The following LEF1 variants were observed in gnomAD, a reference collection of about 807,000 sequenced individuals.
LEF1 encodes the protein lymphoid enhancer-binding factor 1.
LEF1 carries 14 observed loss-of-function variants against 51.2 expected under a neutral mutation model. That is an observed-to-expected ratio of 0.27 (90% CI 0.18 to 0.43). The LOEUF (loss-of-function observed/expected upper bound fraction) is 0.43, where lower values mean the gene tolerates loss of function less well. Ranked by LOEUF, LEF1 falls within the 20% of genes least tolerant of loss-of-function variation. The probability of loss-of-function intolerance (pLI) is 1.00; values close to 1 mark genes in which losing one functional copy is unlikely to be tolerated. For synonymous variants in LEF1, 185 were observed against 183.2 expected (o/e 1.01, Z -0.08); for missense variants, 386 against 512.0 (o/e 0.75, Z 2.37).
chr4:108,101,365 T>C (rs1467267872), intron 3 of LEF1, among the ~76,000 whole-genome samples: 1 of 152,144 alleles, frequency 6.6e-6, no homozygotes, highest in East Asian at 1.9e-4. Flanking sequence ...CTAAATACAG[T>C]ATTAAAATAG....
At chr4:108,115,536 T>C (rs566368542) in intron 3 of LEF1, among the ~76,000 whole-genome samples, 3 of 152,320 alleles carry the variant, frequency 2.0e-5, no homozygotes, top group Admixed American at 2.0e-4. Context: ...TGCCACAGAA[T>C]AGATAATTGC....
chr4:108,134,608 A>G (rs1488343756), intron 3 of LEF1, among the ~76,000 whole-genome samples: 1 of 152,258 alleles, frequency 6.6e-6, no homozygotes, highest in Non-Finnish European at 1.5e-5. Flanking sequence ...AACTCTTATC[A>G]ATGTGATTCC....
At chr4:108,129,565 A>AGCAAAG (rs1742740247) in intron 3 of LEF1, among the ~76,000 whole-genome samples, 1 of 152,202 alleles carries the variant, frequency 6.6e-6, no homozygotes, top group African/African-American at 2.4e-5. Flanking sequence ...GAGAGAGAGA[A>AGCAAAG]CAATCCAAGT....
rs964883954 is a variant in LEF1, at chr4:108,151,549, T to A, written c.414+12019A>T. Among the ~76,000 whole-genome samples the A allele has an allele frequency of 2.6e-5, 4 of 152,336 alleles. No individual in the cohort carries two copies. In the East Asian group the frequency reaches 5.8e-4, roughly 22 times the overall value. On this transcript the variant is annotated intron_variant, in intron 3 of 11. Transcript: ENST00000265165. Reference sequence around the variant, plus strand: ...CAGGGTAAATTATCTGACCTTCCACTTCTTGACCTGTTTACAGTCGTCCTT... The same window carrying A: ...CAGGGTAAATTATCTGACCTTCCACATCTTGACCTGTTTACAGTCGTCCTT...
intron 3 of LEF1, among the ~76,000 whole-genome samples, chr4:108,129,962 C>T (rs1054507665): frequency 6.6e-6 from 1 of 152,116 alleles, no homozygotes; most frequent in South Asian, 2.1e-4. Context: ...GAAACATGGT[C>T]CTCTTAAGCT....
At chr4:108,118,946 A>C (rs1056957275) in intron 3 of LEF1, among the ~76,000 whole-genome samples, 1 of 151,680 alleles carries the variant, frequency 6.6e-6, no homozygotes, top group Non-Finnish European at 1.5e-5. Flanking sequence ...TTTTTTTTCA[A>C]ACAAAGATTT....
intron 3 of LEF1, among the ~76,000 whole-genome samples, chr4:108,147,952 T>C (rs1470873217): frequency 6.6e-6 from 1 of 152,236 alleles, no homozygotes; most frequent in Non-Finnish European, 1.5e-5. Context: ...TGAAAACTTA[T>C]CTACCTTCAT....
chr4:108,124,304 C>T (rs1424507121), intron 3 of LEF1, among the ~76,000 whole-genome samples: 2 of 151,986 alleles, frequency 1.3e-5, no homozygotes, highest in Non-Finnish European at 2.9e-5. Context: ...ATACAGAATG[C>T]ACATTATATA....
chr4:108,072,461 G>A (rs62312239), intron 8 of LEF1, among the ~76,000 whole-genome samples: 7,704 of 152,290 alleles, frequency 0.051, 193 homozygotes, highest in Non-Finnish European at 0.062. Flanking sequence ...AACAGAGTCC[G>A]TTTCCTTTGA....
At chr4:108,137,361 T>TA (rs1299161977) in intron 3 of LEF1, among the ~76,000 whole-genome samples, 5 of 151,224 alleles carry the variant, frequency 3.3e-5, no homozygotes, top group African/African-American at 1.2e-4. Context: ...AAATCACCAC[T>TA]AAAAAAACTG....
At chr4:108,070,219 T>G (rs2880322) in intron 9 of LEF1, among the ~76,000 whole-genome samples, 128,532 of 151,968 alleles carry the variant, frequency 0.85, 55,516 homozygotes, top group East Asian at 0.97. Flanking sequence ...CCATAACAGA[T>G]AAATGCTTTT....
chr4:108,064,394 G>A lies in LEF1; in HGVS notation c.1117-10C>T, dbSNP rs764247535. Reference sequence around the variant, plus strand: ...TCTTCTTTTTCTTACCCTGGAAGAAGAGAGGTATACTGTCATGTCACAGAT... The same window carrying A: ...TCTTCTTTTTCTTACCCTGGAAGAAAAGAGGTATACTGTCATGTCACAGAT... On this transcript the variant is annotated splice_polypyrimidine_tract_variant and intron_variant, in intron 9 of 11. Coordinates refer to ENST00000265165, the MANE Select transcript of LEF1 (RefSeq NM_016269.5). 6.2e-7 allele frequency: 1 copy of A among 1,601,190 alleles called. No individual in the cohort carries two copies. Among genetic ancestry groups the A allele is most frequent in the East Asian group, 2.2e-5 (1 of 44,806 alleles).
Position 108,048,585 on chromosome 4 carries a change from A to G in LEF1, c.*173T>C. The G allele has an allele frequency of 1.4e-6, 1 of 700,484 alleles. No homozygotes were observed. The highest frequency in any genetic ancestry group is 2.2e-6 in the Non-Finnish European group (1 of 446,180). 43.4% of individuals were successfully genotyped at this position (700,484 alleles called of 1,614,324 possible). ...TTGGCAGTGATTGTCTTTATGGATC[A>G]GCGTCTCTAGCAGTGACCTCAGGGT... On this transcript the variant is annotated 3_prime_UTR_variant, in exon 12 of 12. Transcript: ENST00000265165.
intron 3 of LEF1, among the ~76,000 whole-genome samples, chr4:108,130,230 C>A (rs920049377): frequency 2.0e-5 from 3 of 152,088 alleles, no homozygotes; most frequent in Non-Finnish European, 4.4e-5. Flanking sequence ...ACACTGGTGA[C>A]CAGAACCAGT....
chr4:108,069,336 GA>G (rs1738294246), intron 9 of LEF1, among the ~76,000 whole-genome samples: 2 of 152,146 alleles, frequency 1.3e-5, no homozygotes, highest in Admixed American at 6.5e-5. Context: ...ATTAACTTAA[GA>G]GCTTAAATAG....
At chr4:108,157,076 T>C (rs1180702615) in intron 3 of LEF1, among the ~76,000 whole-genome samples, 1 of 151,668 alleles carries the variant, frequency 6.6e-6, no homozygotes, top group Non-Finnish European at 1.5e-5. Flanking sequence ...CTGACAACAA[T>C]AATAAAAGAA....
At chr4:108,146,047 CA>C (rs1446216178) in intron 3 of LEF1, among the ~76,000 whole-genome samples, 1 of 152,098 alleles carries the variant, frequency 6.6e-6, no homozygotes, top group African/African-American at 2.4e-5. Flanking sequence ...AATAAGTGAC[CA>C]CTGAAAAAAC....
At chr4:108,049,124 C>T (rs983965524) in intron 11 of LEF1, among the ~76,000 whole-genome samples, 2 of 152,158 alleles carry the variant, frequency 1.3e-5, no homozygotes, top group African/African-American at 4.8e-5. Flanking sequence ...TGTCATTCTG[C>T]AGTGTTTGGT....
At chr4:108,108,314 A>T (rs71601076) in intron 3 of LEF1, among the ~76,000 whole-genome samples, 1 of 152,168 alleles carries the variant, frequency 6.6e-6, no homozygotes, top group Admixed American at 6.5e-5. Flanking sequence ...GTCTTAGATT[A>T]TCATCATCTT....
Sources: allele counts gnomAD v4.1 joint callset (sites outside exome capture counted in the v4.1 genomes callset), GRCh38; gene constraint gnomAD v4.1.1; transcripts MANE v1.5; gene names NCBI Gene and HGNC (gene_info 2026-07-23, HGNC 2026-07-21).